MDGA2: variants seen among roughly 807,000 people sequenced by gnomAD.
The protein encoded by MDGA2 is MAM domain containing glycosylphosphatidylinositol anchor 2.
A neutral mutation model predicts 117.8 loss-of-function variants in MDGA2; 40 were observed. The observed-to-expected ratio is 0.34, with a 90% CI of 0.26 to 0.44. The LOEUF (loss-of-function observed/expected upper bound fraction) is 0.44, where lower values mean the gene tolerates loss of function less well. Among genes scored for constraint, MDGA2 ranks in the 20% least tolerant of loss-of-function variants. The pLI is 1.00. For missense variants in MDGA2, 1,123 were observed against 1,250.6 expected (o/e 0.90, Z 1.54); for synonymous variants, 452 against 439.0 (o/e 1.03, Z -0.37).
intron 4 of MDGA2, among the ~76,000 whole-genome samples, chr14:47,135,443 C>T (rs1328356029): frequency 1.3e-5 from 2 of 152,118 alleles, no homozygotes; most frequent in Non-Finnish European, 2.9e-5. Context: ...TCTAGATTAT[C>T]CTAATTTTTC....
intron 8 of MDGA2, among the ~76,000 whole-genome samples, chr14:46,969,405 G>A (rs182610708): frequency 6.6e-6 from 1 of 152,112 alleles, no homozygotes; most frequent in Non-Finnish European, 1.5e-5. Context: ...ATCCTCTCCA[G>A]CACCTGTTGT....
intron 3 of MDGA2, among the ~76,000 whole-genome samples, chr14:47,150,795 A>G (rs1354787114): frequency 6.6e-6 from 1 of 151,936 alleles, no homozygotes; most frequent in East Asian, 1.9e-4. Context: ...ATGGTGGTGC[A>G]TGCCTGTAAT....
chr14:47,158,262 A>T (rs796102209), intron 3 of MDGA2, among the ~76,000 whole-genome samples: 36 of 152,156 alleles, frequency 2.4e-4, no homozygotes, highest in African/African-American at 8.2e-4. Context: ...CTAGGTGTGT[A>T]GTGGGCTATA....
intron 1 of MDGA2, among the ~76,000 whole-genome samples, chr14:47,666,746 C>G (rs1897978710): frequency 6.6e-6 from 1 of 152,156 alleles, no homozygotes; most frequent in African/African-American, 2.4e-5. Flanking sequence ...TGTTCTTTCA[C>G]TCTTTGCAAT....
At chr14:47,037,142 T>C (rs1003143935) in intron 7 of MDGA2, among the ~76,000 whole-genome samples, 10 of 152,288 alleles carry the variant, frequency 6.6e-5, no homozygotes, top group African/African-American at 2.4e-4. Context: ...GCTCAGACAA[T>C]GGGATTGGAA....
chr14:46,942,358 C>T (rs921600226), intron 9 of MDGA2, among the ~76,000 whole-genome samples: 28 of 152,128 alleles, frequency 1.8e-4, no homozygotes, highest in Admixed American at 1.8e-3. Context: ...ATTCTGAAGC[C>T]TACCTTAGCT....
At chr14:47,006,686 C>T (rs1887724278) in intron 8 of MDGA2, among the ~76,000 whole-genome samples, 2 of 151,416 alleles carry the variant, frequency 1.3e-5, no homozygotes, top group South Asian at 4.1e-4. Context: ...TTTGGAGTAC[C>T]AGCTGATGAG....
intron 3 of MDGA2, 106 bp from the exon 4 acceptor site, chr14:47,144,380 ATTAC>A: frequency 1.4e-6 from 1 of 712,392 alleles, no homozygotes; most frequent in Non-Finnish European, 2.2e-6. Flanking sequence ...CATTGATTGT[ATTAC>A]TTACCACTAG....
intron 2 of MDGA2, among the ~76,000 whole-genome samples, chr14:47,279,779 T>C (rs1372151382): frequency 6.6e-6 from 1 of 152,098 alleles, no homozygotes; most frequent in Non-Finnish European, 1.5e-5. Flanking sequence ...ACACTTTTTC[T>C]TTTTTAAAAA....
intron 9 of MDGA2, among the ~76,000 whole-genome samples, chr14:46,926,417 G>C (rs1261969940): frequency 8.7e-5 from 9 of 103,722 alleles, no homozygotes; most frequent in South Asian, 6.7e-4. Flanking sequence ...ATGATGCACT[G>C]ATTTGAAAAA....
rs117491472 is a variant in MDGA2, at chr14:47,517,966, G to A, written c.280+156551C>T. Among the ~76,000 whole-genome samples the A allele has an allele frequency of 8.5e-5, 13 of 152,172 alleles. No individual in the cohort carries two copies. The East Asian group carries it at 2.1e-3, about 25-fold the overall frequency. On this transcript the variant is annotated intron_variant, in intron 1 of 16. Transcript: ENST00000399232. Reference sequence around the variant, plus strand: ...ATAGTGTAAAAAATTAAAGTGATGAGTGCCCATGATGAGGAGAGAAAAATG... The same window carrying A: ...ATAGTGTAAAAAATTAAAGTGATGAATGCCCATGATGAGGAGAGAAAAATG...
At chr14:47,599,958 C>T (rs1896615718) in intron 1 of MDGA2, among the ~76,000 whole-genome samples, 1 of 152,052 alleles carries the variant, frequency 6.6e-6, no homozygotes, top group Non-Finnish European at 1.5e-5. Flanking sequence ...AATGTCACTC[C>T]ACAGAGCCAA....
intron 8 of MDGA2, among the ~76,000 whole-genome samples, chr14:47,031,234 AC>A (rs1269883406): frequency 4.0e-5 from 6 of 151,300 alleles, no homozygotes; most frequent in African/African-American, 1.5e-4. Context: ...ATATATACAC[AC>A]ACACACACAC....
chr14:47,493,293 A>T (rs1006815948), intron 1 of MDGA2, among the ~76,000 whole-genome samples: 2 of 148,592 alleles, frequency 1.3e-5, no homozygotes, highest in Non-Finnish European at 3.0e-5. Flanking sequence ...AAATATATTT[A>T]TATATAATTT....
intron 9 of MDGA2, among the ~76,000 whole-genome samples, chr14:46,930,254 T>C (rs1884516230): frequency 6.6e-6 from 1 of 152,148 alleles, no homozygotes; most frequent in Non-Finnish European, 1.5e-5. Flanking sequence ...TAAAACTTAG[T>C]CCCAATTGCA....
At chr14:47,443,698 A>G (rs1893062778) in intron 1 of MDGA2, among the ~76,000 whole-genome samples, 1 of 152,188 alleles carries the variant, frequency 6.6e-6, no homozygotes, top group African/African-American at 2.4e-5. Flanking sequence ...AAATAATAAT[A>G]AATCCAGAAT....
intron 3 of MDGA2, among the ~76,000 whole-genome samples, chr14:47,195,073 A>G (rs2139419706): frequency 6.6e-6 from 1 of 152,204 alleles, no homozygotes; most frequent in African/African-American, 2.4e-5. Flanking sequence ...ATTTTGGCAT[A>G]AAATTCAGTG....
intron 1 of MDGA2, chr14:47,342,887 A>G: frequency 2.5e-6 from 1 of 403,258 alleles, no homozygotes; most frequent in South Asian, 1.8e-5. Flanking sequence ...CGTGTGGGGG[A>G]AAAAAGAGGA....
intron 1 of MDGA2, among the ~76,000 whole-genome samples, chr14:47,416,956 G>C (rs1476576000): frequency 6.6e-6 from 1 of 152,160 alleles, no homozygotes. Flanking sequence ...AGAGAGGAGA[G>C]CTGTAGAGTA....
Sources: gnomAD v4.1 joint callset for allele counts (sites outside exome capture counted in the v4.1 genomes callset) on GRCh38, gnomAD v4.1.1 for gene constraint, MANE v1.5 for transcripts, NCBI Gene and HGNC (gene_info 2026-07-23, HGNC 2026-07-21) for gene names.